FNBP4: variants seen among roughly 807,000 people sequenced by gnomAD.
FNBP4 encodes formin binding protein 4.
FNBP4 carries 34 observed loss-of-function variants against 119.3 expected under a neutral mutation model. The observed-to-expected ratio is 0.28, with a 90% confidence interval of 0.22 to 0.38. FNBP4 has a LOEUF of 0.38. Ranked by LOEUF, FNBP4 falls within the 10% of genes least tolerant of loss-of-function variation. FNBP4 has a pLI of 1.00. For synonymous variants in FNBP4, 462 were observed against 430.6 expected (o/e 1.07, Z -0.90); for missense variants, 1,112 against 1,228.9 (o/e 0.90, Z 1.42).
chr11:47,734,499 G>A (rs1158801834), intron 9 of FNBP4, among the ~76,000 whole-genome samples: 2 of 152,080 alleles, frequency 1.3e-5, no homozygotes, highest in Non-Finnish European at 1.5e-5. Flanking sequence ...TTACAGATGT[G>A]AGCCACTGTG....
intron 15 of FNBP4, among the ~76,000 whole-genome samples, chr11:47,720,440 C>T (rs551281479): frequency 2.0e-5 from 3 of 151,940 alleles, no homozygotes; most frequent in Non-Finnish European, 4.4e-5. Flanking sequence ...TGGTGGCGGG[C>T]GCCTGTAGTC....
intron 2 of FNBP4, among the ~76,000 whole-genome samples, chr11:47,763,876 G>A (rs1055064340): frequency 6.6e-6 from 1 of 152,106 alleles, no homozygotes; most frequent in Non-Finnish European, 1.5e-5. Flanking sequence ...ACTTACCTTT[G>A]AGGGATGGTG....
chr11:47,719,172 G>A (rs1022971961), intron 16 of FNBP4, among the ~76,000 whole-genome samples: 1 of 152,254 alleles, frequency 6.6e-6, no homozygotes, highest in East Asian at 1.9e-4. Flanking sequence ...ACAGGCGTGA[G>A]CCACCGTGCC....
At chr11:47,764,153 G>A (rs1418656612) in intron 2 of FNBP4, among the ~76,000 whole-genome samples, 4 of 151,964 alleles carry the variant, frequency 2.6e-5, no homozygotes, top group East Asian at 1.9e-4. Context: ...TCTTACGGTC[G>A]CCCAGGCTGG....
chr11:47,750,134 G>A (rs529189514), intron 6 of FNBP4, among the ~76,000 whole-genome samples: 30 of 151,974 alleles, frequency 2.0e-4, no homozygotes, highest in African/African-American at 5.3e-4. Context: ...ATCTCAGCAC[G>A]TTGGGAGGCT....
At chr11:47,760,419 A>C (rs920479583) in intron 2 of FNBP4, among the ~76,000 whole-genome samples, 3 of 148,992 alleles carry the variant, frequency 2.0e-5, no homozygotes, top group Non-Finnish European at 4.4e-5. Context: ...GTGCCAATGT[A>C]ATTTTTGTAT....
chr11:47,762,730 T>C (rs866561229), intron 2 of FNBP4, among the ~76,000 whole-genome samples: 1 of 151,052 alleles, frequency 6.6e-6, no homozygotes, highest in Non-Finnish European at 1.5e-5. Flanking sequence ...CTGGCCAACA[T>C]GGTGAACCGT....
At chr11:47,728,333 T>C (rs1199065964) in intron 12 of FNBP4, among the ~76,000 whole-genome samples, 1 of 151,288 alleles carries the variant, frequency 6.6e-6, no homozygotes, top group Non-Finnish European at 1.5e-5. Context: ...CACTGTAATC[T>C]CTGCCTCCTG....
intron 15 of FNBP4, among the ~76,000 whole-genome samples, chr11:47,721,610 CA>C (rs2097555711): frequency 6.6e-6 from 1 of 150,456 alleles, no homozygotes; most frequent in Non-Finnish European, 1.5e-5. Context: ...CTCCCCCTGC[CA>C]AAAAAAATCA....
Position 47,765,320 on chromosome 11 carries a change from T to C in FNBP4, c.263A>G (p.Asn88Ser). The change falls in exon 2 of 17, where the codon AAT becomes AGT. Residue 88 changes from asparagine (N) to serine (S), a missense_variant. Physicochemically the swap from Asn to Ser is conservative, Grantham distance 46. Around this residue, in one of 2 missense-constraint regions of FNBP4, gnomAD observed 286 missense variants for 240.1 expected, o/e 1.19. Coordinates refer to ENST00000263773, the MANE Select transcript of FNBP4 (RefSeq NM_015308.5). ...AVQEVPRVVQ[N>S]PPKPVMTTRP... ...AGTGGTCATGACTGGTTTTGGAGGATTCTGAACAACTCTAGGAACCTCCTG... is the reference window on the plus strand; with the variant it reads ...AGTGGTCATGACTGGTTTTGGAGGACTCTGAACAACTCTAGGAACCTCCTG... 1 of 1,611,860 alleles carries C rather than the reference T, an allele frequency of 6.2e-7. No homozygotes were observed. Among genetic ancestry groups the C allele is most frequent in the Non-Finnish European group, 8.5e-7 (1 of 1,179,418 alleles).
chr11:47,733,288 T>C (rs986594305), intron 10 of FNBP4, among the ~76,000 whole-genome samples: 1 of 152,172 alleles, frequency 6.6e-6, no homozygotes, highest in Non-Finnish European at 1.5e-5. Flanking sequence ...TTTTGGGAGA[T>C]AGTTCACTTA....
chr11:47,725,853 T>C (rs2097560371), intron 12 of FNBP4: 1 of 905,508 alleles, frequency 1.1e-6, no homozygotes, highest in Admixed American at 6.2e-5. Flanking sequence ...TCATAGAATT[T>C]AGGAGTAGAA....
intron 12 of FNBP4, among the ~76,000 whole-genome samples, chr11:47,730,934 A>G (rs2097566643): frequency 6.6e-6 from 1 of 152,190 alleles, no homozygotes. Context: ...ATTTGTACCA[A>G]CCACGCTTTT....
intron 1 of FNBP4, among the ~76,000 whole-genome samples, chr11:47,766,303 A>T (rs2135308254): frequency 6.6e-6 from 1 of 152,282 alleles, no homozygotes; most frequent in Admixed American, 6.5e-5. Context: ...CGACAGATTG[A>T]GACATTGTCT....
intron 16 of FNBP4, 35 bp downstream of exon 16, chr11:47,719,894 A>T: frequency 1.2e-6 from 2 of 1,611,016 alleles, no homozygotes; most frequent in Non-Finnish European, 1.7e-6. Context: ...ACCTACTCCA[A>T]AACCCCATCT....
At chr11:47,751,436 T>C (rs1443500754) in intron 4 of FNBP4, 146 bp from the exon 5 acceptor site, 1 of 854,842 alleles carries the variant, frequency 1.2e-6, no homozygotes, top group Non-Finnish European at 1.8e-6. Flanking sequence ...GGGGCAATCC[T>C]ATGTGGAGGT....
intron 2 of FNBP4, among the ~76,000 whole-genome samples, 161 bp downstream of exon 2, chr11:47,765,109 T>C (rs191976882): frequency 1.5e-4 from 23 of 152,244 alleles, no homozygotes; most frequent in African/African-American, 5.5e-4. Flanking sequence ...TGTATATACA[T>C]CAACATTCTC....
chr11:47,739,848 G>A (rs1351555101), intron 8 of FNBP4, among the ~76,000 whole-genome samples: 1 of 152,092 alleles, frequency 6.6e-6, no homozygotes, highest in African/African-American at 2.4e-5. Context: ...GTGCGATGTT[G>A]GCTCACCACA....
At chr11:47,765,538 TG>T (rs2097645606) in intron 1 of FNBP4, among the ~76,000 whole-genome samples, 176 bp from the exon 2 acceptor site, 1 of 104,374 alleles carries the variant, frequency 9.6e-6, no homozygotes, top group Non-Finnish European at 1.7e-5. Flanking sequence ...GGTTCGCACC[TG>T]TAATCCCAGC....
Sources: allele counts gnomAD v4.1 joint callset (sites outside exome capture counted in the v4.1 genomes callset), GRCh38; gene constraint gnomAD v4.1.1; regional missense constraint gnomAD v4.1.1; transcripts MANE v1.5; gene names NCBI Gene and HGNC (gene_info 2026-07-23, HGNC 2026-07-21).